Variants in NUP210 observed in about 807,000 individuals in gnomAD.
The protein encoded by NUP210 is nuclear pore membrane glycoprotein 210.
NUP210 carries 151 observed loss-of-function variants against 196.0 expected under a neutral mutation model. The observed-to-expected ratio is 0.77, with a 90% confidence interval of 0.67 to 0.88. The LOEUF (loss-of-function observed/expected upper bound fraction) is 0.88. Among genes scored for constraint, NUP210 ranks in the 40% least tolerant of loss-of-function variants. NUP210 has a pLI of 0.00. For synonymous variants in NUP210, 1,070 were observed against 1,052.7 expected (o/e 1.02, Z -0.32); for missense variants, 2,314 against 2,493.7 (o/e 0.93, Z 1.53).
In NUP210 at chr3:13,319,287, G is replaced by C; in HGVS notation, c.5422C>G (p.Gln1808Glu). The C allele has an allele frequency of 6.2e-7, 1 of 1,612,876 alleles. No individual in the cohort carries two copies. The change falls in exon 38 of 40, where the codon CAG (glutamine) becomes GAG (glutamate). Residue 1808 changes from glutamine (Q) to glutamate (E), a missense_variant. By Grantham distance (29) the Gln-to-Glu change is conservative. Coordinates refer to ENST00000254508, the MANE Select transcript of NUP210 (RefSeq NM_024923.4). The stretch of plus-strand genomic sequence containing the variant: ...GCGAAGAGCGTGAAGAACATGACCT[G>C]GTAGGAATCCAGGAAGTGCTGGAAG... ...SLFQHFLDSY[Q>E]VMFFTLFALL...
chr3:13,419,110 G>A lies in NUP210; in HGVS notation c.167+950C>T, dbSNP rs559651509. Among the ~76,000 whole-genome samples, 172 of 152,250 alleles carry A rather than the reference G, an allele frequency of 1.1e-3. 2 individuals carry two copies. The highest frequency in any genetic ancestry group is 1.0e-4 in the Non-Finnish European group (7 of 68,024). ...CACACATGTCCAGGCTTACACACAT[G>A]GCTGTCACGTGGTCACACCCCGTTC... On this transcript the variant is annotated intron_variant, in intron 1 of 39. Coordinates refer to ENST00000254508, the MANE Select transcript of NUP210 (RefSeq NM_024923.4).
In NUP210 at chr3:13,332,291, A is replaced by T; in HGVS notation, c.3935+2T>A. ...GCTGGAAACAAGAGCTGAGTCACGT[A>T]CCTGTTTGTCTGCAGCTTTATATAT... On this transcript the variant is annotated splice_donor_variant, in intron 29 of 39. Coordinates refer to ENST00000254508, the MANE Select transcript of NUP210 (RefSeq NM_024923.4). LOFTEE classifies it high-confidence loss of function. The T allele has an allele frequency of 6.2e-7, 1 of 1,611,522 alleles. No homozygotes were observed.
At chr3:13,401,461 C>T (rs951631182) in intron 1 of NUP210, among the ~76,000 whole-genome samples, 1 of 151,998 alleles carries the variant, frequency 6.6e-6, no homozygotes, top group Non-Finnish European at 1.5e-5. Context: ...TGGAAGTTCA[C>T]GGAAAATGAG....
intron 9 of NUP210, 61 bp downstream of exon 9, chr3:13,377,395 C>G: frequency 8.1e-7 from 1 of 1,229,592 alleles, no homozygotes; most frequent in Non-Finnish European, 1.2e-6. Context: ...TGCTCTTCAG[C>G]AGCCGCGTCA....
rs533561162 is a variant in NUP210, at chr3:13,344,195, G to T, written c.2836-892C>A. Among the ~76,000 whole-genome samples the T allele has an allele frequency of 5.3e-5, 8 of 152,240 alleles. No individual in the cohort carries two copies. In the South Asian group the frequency reaches 1.7e-3, roughly 32 times the overall value. On this transcript the variant is annotated intron_variant, in intron 20 of 39. Transcript: ENST00000254508. ...TCCTTTTCTCTCTACCCACTTTTAG[G>T]GATTCTACCTTTAAGACTCTCCCCT...
intron 1 of NUP210, among the ~76,000 whole-genome samples, chr3:13,401,826 C>T (rs1251924709): frequency 6.6e-6 from 1 of 151,864 alleles, no homozygotes; most frequent in Non-Finnish European, 1.5e-5. Flanking sequence ...GTCCTAGATT[C>T]GATCTGGGGG....
intron 6 of NUP210, among the ~76,000 whole-genome samples, chr3:13,384,055 T>C (rs761775408): frequency 2.6e-5 from 4 of 152,156 alleles, no homozygotes; most frequent in Non-Finnish European, 4.4e-5. Context: ...CTCCACCTCC[T>C]GGGTTCAAGT....
intron 17 of NUP210, 39 bp downstream of exon 17, chr3:13,353,876 G>A (rs775343874): frequency 1.9e-6 from 3 of 1,572,306 alleles, no homozygotes; most frequent in Non-Finnish European, 1.7e-6. Flanking sequence ...TCTGGTCTCT[G>A]TTCTCCTGCC....
intron 1 of NUP210, among the ~76,000 whole-genome samples, chr3:13,408,270 G>A (rs568686129): frequency 2.6e-5 from 4 of 152,126 alleles, no homozygotes; most frequent in African/African-American, 9.6e-5. Context: ...GATTTGATTA[G>A]CTAGTATTTT....
At chr3:13,352,293 C>A in intron 18 of NUP210, 109 bp from the exon 19 acceptor site, 3 of 737,692 alleles carry the variant, frequency 4.1e-6, no homozygotes, top group South Asian at 1.7e-5. Flanking sequence ...TGGCCACAAG[C>A]CCCTGGTGCT....
intron 18 of NUP210, among the ~76,000 whole-genome samples, 181 bp downstream of exon 18, chr3:13,353,373 C>G (rs924787030): frequency 1.3e-5 from 2 of 152,126 alleles, no homozygotes; most frequent in Non-Finnish European, 2.9e-5. Flanking sequence ...TCCAATGTAC[C>G]TATTGGTCCC....
chr3:13,374,088 CACTT>C (rs898250203), intron 11 of NUP210, among the ~76,000 whole-genome samples: 12 of 152,122 alleles, frequency 7.9e-5, no homozygotes, highest in South Asian at 2.1e-4. Flanking sequence ...CACTCATGCT[CACTT>C]ACCACTCACA....
intron 20 of NUP210, among the ~76,000 whole-genome samples, chr3:13,344,162 C>A (rs1284745376): frequency 6.6e-6 from 1 of 152,232 alleles, no homozygotes; most frequent in Non-Finnish European, 1.5e-5. Context: ...CAAGAGCCCA[C>A]CTTTTAATCC....
intron 1 of NUP210, among the ~76,000 whole-genome samples, chr3:13,405,086 A>G (rs983996287): frequency 6.6e-6 from 1 of 152,186 alleles, no homozygotes; most frequent in African/African-American, 2.4e-5. Context: ...TTACATGTTA[A>G]CTTGACTGAG....
chr3:13,321,527 A>G, intron 36 of NUP210, 58 bp downstream of exon 36: 1 of 1,576,354 alleles, frequency 6.3e-7, no homozygotes, highest in Non-Finnish European at 8.7e-7. Flanking sequence ...CTCTTCCTCC[A>G]GGGCCTTCCT....
intron 1 of NUP210, among the ~76,000 whole-genome samples, chr3:13,417,281 T>A (rs1009777385): frequency 1.3e-5 from 2 of 152,184 alleles, no homozygotes; most frequent in Non-Finnish European, 2.9e-5. Context: ...CTAGGTGACC[T>A]CTAAGGTTCC....
Position 13,323,377 on chromosome 3 carries a change from G to C in NUP210, c.4700C>G (p.Thr1567Ser). ...GGAGGCTGTAGCCTCCTGGAAGCTG[G>C]TCTGGATGGGGTGGAGGTGACGGGC... is the stretch of plus-strand genomic sequence containing the variant. Reference protein sequence around the residue: ...IMARHLHPIQTSFQEATASKV... With the variant: ...IMARHLHPIQSSFQEATASKV... Residue 1567 changes from threonine (T) to serine (S), a missense_variant, in exon 34 of 40, where the codon ACC becomes AGC. Thr to Ser is a moderately conservative substitution (Grantham distance 58, BLOSUM62 1). Transcript: ENST00000254508. This position sits in a 1 kb window ranked among gnomAD's most constrained non-coding sequence, Gnocchi z 4.3. The C allele has an allele frequency of 6.2e-7, 1 of 1,614,118 alleles. No individual in the cohort carries two copies.
At chr3:13,383,444 G>C (rs753156787) in intron 6 of NUP210, among the ~76,000 whole-genome samples, 2 of 150,536 alleles carry the variant, frequency 1.3e-5, no homozygotes, top group African/African-American at 4.9e-5. Context: ...GACCAAGCTC[G>C]TAAGTTTTCT....
chr3:13,358,382 G>C lies in NUP210; in HGVS notation c.2168C>G (p.Ser723Trp), dbSNP rs776353387. 2 of 1,611,474 alleles carry C rather than the reference G, an allele frequency of 1.2e-6. No individual in the cohort carries two copies. The highest frequency in any genetic ancestry group is 1.7e-6 in the Non-Finnish European group (2 of 1,178,424). ...GGTGAGGCTGGGCTTGTTCCCCACC[G>C]ACAGGGCGATGACCTGGTAGGGCAC... ...QALGEQVIAL[S>W]VGNKPSLTNP... The change falls in exon 16 of 40, where the codon TCG becomes TGG. Residue 723 changes from serine to tryptophan, a missense_variant. Physicochemically the swap from Ser to Trp is radical, Grantham distance 177 (BLOSUM62 -3). Coordinates refer to ENST00000254508, the MANE Select transcript of NUP210 (RefSeq NM_024923.4).
Sources: allele counts gnomAD v4.1 joint callset (sites outside exome capture counted in the v4.1 genomes callset), GRCh38; gene constraint gnomAD v4.1.1; non-coding constraint Gnocchi (gnomAD v3.1); transcripts MANE v1.5; gene names NCBI Gene and HGNC (gene_info 2026-07-23, HGNC 2026-07-21).